UNC79: variants seen among roughly 807,000 people sequenced by gnomAD.
UNC79 encodes the protein protein unc-79 homolog.
In UNC79, 37 loss-of-function variants were observed where a neutral mutation model predicts 283.1. The ratio of observed to expected loss-of-function variants is 0.13; its 90% CI spans 0.10 to 0.17. The LOEUF is 0.17. Ranked by LOEUF, UNC79 falls within the 10% of genes least tolerant of loss-of-function variation. The pLI is 1.00. For missense variants in UNC79, 2,272 were observed against 3,211.1 expected, an observed-to-expected ratio of 0.71 and a Z score of 7.07; for synonymous variants, 1,107 against 1,200.2, an observed-to-expected ratio of 0.92 and a Z score of 1.61.
chr14:93,583,710 G>T lies in UNC79; in HGVS notation c.2803+1366G>T, dbSNP rs186059124. ...AACATCCTCAATTGGGGCAACCCCT[G>T]GGGGGAAGAGGAGGGCAAAATATAA... On this transcript the variant is annotated intron_variant, in intron 20 of 48. Transcript: ENST00000555664. 2.3e-3 allele frequency among the ~76,000 whole-genome samples: 354 copies of T among 152,176 alleles called. 3 individuals are homozygous for T. The highest frequency in any genetic ancestry group is 8.2e-3 in the African/African-American group (340 of 41,518).
rs1258514119 is a variant in UNC79 at position 93,537,303 on chromosome 14, A to G, written c.1123-686A>G. 5.9e-5 allele frequency among the ~76,000 whole-genome samples: 9 copies of G among 152,312 alleles called. No individual in the cohort carries two copies. In the East Asian group the frequency reaches 1.7e-3, roughly 29 times the overall value. On this transcript the variant is annotated intron_variant, in intron 11 of 48. Transcript: ENST00000555664. ...ACGCTCCACCACTTTTCTCGTTCCC[A>G]TCACTTCATTTGCGGTTCCCTTCCT...
chr14:93,341,947 C>T (rs1285662614), intron 1 of UNC79, among the ~76,000 whole-genome samples: 1 of 152,186 alleles, frequency 6.6e-6, no homozygotes, highest in African/African-American at 2.4e-5. Context: ...ATACAGGCCC[C>T]GTGACTGCTT....
At chr14:93,682,900 A>T (rs530097148) in intron 42 of UNC79, among the ~76,000 whole-genome samples, 1 of 152,360 alleles carries the variant, frequency 6.6e-6, no homozygotes, top group Non-Finnish European at 1.5e-5. Context: ...TTGAGGATTG[A>T]ACGAGATAAT....
intron 45 of UNC79, chr14:93,691,402 G>A (rs1488400517): frequency 1.1e-5 from 4 of 376,044 alleles, no homozygotes; most frequent in African/African-American, 2.0e-5. Context: ...TTTTACAGAT[G>A]AGGAAACATC....
chr14:93,673,592 T>C, intron 41 of UNC79, 137 bp downstream of exon 44: 2 of 624,422 alleles, frequency 3.2e-6, no homozygotes, highest in Non-Finnish European at 5.1e-6. Context: ...ATATGGACCA[T>C]GATCTAACTA....
chr14:93,552,073 A>C (rs147908706), intron 14 of UNC79, among the ~76,000 whole-genome samples: 1 of 152,342 alleles, frequency 6.6e-6, no homozygotes, highest in East Asian at 1.9e-4. Context: ...ACGCCTGTTG[A>C]ATATAACAAA....
chr14:93,470,813 TA>T (rs777058113), intron 2 of UNC79, among the ~76,000 whole-genome samples: 1 of 152,218 alleles, frequency 6.6e-6, no homozygotes, highest in Non-Finnish European at 1.5e-5. Context: ...CCATCCAGTT[TA>T]ATCTCCCCTC....
chr14:93,689,779 G>A (rs1034971219), intron 44 of UNC79: 21 of 222,114 alleles, frequency 9.5e-5, no homozygotes, highest in African/African-American at 3.4e-4. Context: ...GTGAGCCACC[G>A]CGCCCGGCCC....
chr14:93,364,140 C>A (rs2054281106), intron 1 of UNC79, among the ~76,000 whole-genome samples: 1 of 152,170 alleles, frequency 6.6e-6, no homozygotes, highest in Non-Finnish European at 1.5e-5. Context: ...TATACAAGTT[C>A]TAAGTGTATG....
intron 1 of UNC79, among the ~76,000 whole-genome samples, chr14:93,349,846 T>C (rs1285611794): frequency 1.3e-5 from 2 of 152,260 alleles, no homozygotes; most frequent in Non-Finnish European, 2.9e-5. Context: ...TCACAGGCTT[T>C]ATAAATGATT....
intron 14 of UNC79, among the ~76,000 whole-genome samples, chr14:93,561,320 G>A (rs1412912436): frequency 6.6e-6 from 1 of 152,154 alleles, no homozygotes; most frequent in East Asian, 1.9e-4. Flanking sequence ...GATATAAGGA[G>A]AAAGGTTTTT....
intron 22 of UNC79, among the ~76,000 whole-genome samples, chr14:93,589,787 G>A (rs756793911): frequency 9.2e-5 from 14 of 152,160 alleles, no homozygotes; most frequent in Non-Finnish European, 1.8e-4. Context: ...TTAAGGCCAG[G>A]CACAGTGGCT....
At chr14:93,679,592 G>A (rs908470347) in intron 41 of UNC79, among the ~76,000 whole-genome samples, 2 of 152,196 alleles carry the variant, frequency 1.3e-5, no homozygotes, top group African/African-American at 4.8e-5. Flanking sequence ...GTTGTGGGCT[G>A]GAGGACAGAG....
At chr14:93,639,661 CT>C (rs2068842274) in intron 32 of UNC79, among the ~76,000 whole-genome samples, 1 of 152,182 alleles carries the variant, frequency 6.6e-6, no homozygotes, top group Non-Finnish European at 1.5e-5. Context: ...AGATACTTTC[CT>C]TTGCAGTTTG....
chr14:93,660,023 A>G lies in UNC79; in HGVS notation c.6525+762A>G, dbSNP rs118190644. Among the ~76,000 whole-genome samples the G allele has an allele frequency of 1.3e-3, 193 of 152,300 alleles. 3 individuals carry two copies. The East Asian group carries it at 0.032, about 25-fold the overall frequency. On this transcript the variant is annotated intron_variant, in intron 39 of 48. Transcript: ENST00000555664. The stretch of plus-strand genomic sequence containing the variant: ...CTTACATTGCCCTGAAGTGGTTCCA[A>G]TGAGACCACAAGCTTCAAGAAGTTC...
intron 1 of UNC79, among the ~76,000 whole-genome samples, chr14:93,424,656 T>C (rs2055683550): frequency 6.6e-6 from 1 of 151,610 alleles, no homozygotes; most frequent in African/African-American, 2.4e-5. Flanking sequence ...CACCTAAAAA[T>C]TAAAACAATT....
At chr14:93,373,316 T>G (rs2054491715) in intron 1 of UNC79, among the ~76,000 whole-genome samples, 1 of 151,746 alleles carries the variant, frequency 6.6e-6, no homozygotes, top group African/African-American at 2.4e-5. Context: ...TCAATGAAAT[T>G]GAAACAGGAA....
intron 13 of UNC79, among the ~76,000 whole-genome samples, chr14:93,541,369 T>A (rs2061362136): frequency 6.6e-6 from 1 of 152,186 alleles, no homozygotes; most frequent in Non-Finnish European, 1.5e-5. Context: ...TCAGTAGAGA[T>A]CAAACATACA....
chr14:93,389,471 G>C (rs1267226142), intron 1 of UNC79, among the ~76,000 whole-genome samples: 1 of 152,054 alleles, frequency 6.6e-6, no homozygotes, highest in Non-Finnish European at 1.5e-5. Flanking sequence ...CCATTTTCCT[G>C]GAGGCAATTT....
Sources: allele counts gnomAD v4.1 joint callset (sites outside exome capture counted in the v4.1 genomes callset), GRCh38; gene constraint gnomAD v4.1.1; transcripts MANE v1.5; gene names NCBI Gene and HGNC (gene_info 2026-07-23, HGNC 2026-07-21).